The following CALCR variants were observed in gnomAD, a reference collection of about 807,000 sequenced individuals.
CALCR encodes the protein calcitonin receptor.
Under a neutral mutation model 59.5 loss-of-function variants are expected in CALCR, and 47 were observed. That is an observed-to-expected ratio of 0.79 (90% CI 0.63 to 1.01). CALCR has a LOEUF of 1.01. CALCR is among the 50% of genes least tolerant of loss of function. The pLI is 0.00. For synonymous variants in CALCR, 213 were observed against 211.3 expected (o/e 1.01, Z -0.07); for missense variants, 566 against 597.1 (o/e 0.95, Z 0.54).
At chr7:93,555,930 C>A (rs1015348722) in intron 2 of CALCR, among the ~76,000 whole-genome samples, 2 of 152,072 alleles carry the variant, frequency 1.3e-5, no homozygotes, top group Non-Finnish European at 1.5e-5. Flanking sequence ...TCTTTTAGAA[C>A]AATAATGAAA....
intron 2 of CALCR, among the ~76,000 whole-genome samples, chr7:93,552,049 C>G (rs1410374559): frequency 1.3e-5 from 2 of 152,030 alleles, no homozygotes; most frequent in African/African-American, 4.8e-5. Flanking sequence ...CTCGTGGCTA[C>G]AAAGATACAC....
At chr7:93,486,150 G>T (rs749540565) in intron 3 of CALCR, among the ~76,000 whole-genome samples, 1 of 151,446 alleles carries the variant, frequency 6.6e-6, no homozygotes. Context: ...ATTAGCAAAT[G>T]TTACTCTGAT....
At chr7:93,468,877 C>A in intron 6 of CALCR, 71 bp from the exon 7 acceptor site, 1 of 798,326 alleles carries the variant, frequency 1.3e-6, no homozygotes, top group Non-Finnish European at 1.9e-6. Context: ...ATTTCTATTT[C>A]TAAATATATG....
chr7:93,441,489 G>C, intron 9 of CALCR: 1 of 453,420 alleles, frequency 2.2e-6, no homozygotes, highest in South Asian at 1.6e-5. Context: ...TTGTTGAGAG[G>C]GTGTACATAC....
At chr7:93,494,369 AC>A in intron 2 of CALCR, among the ~76,000 whole-genome samples, 2 of 151,316 alleles carry the variant, frequency 1.3e-5, no homozygotes, top group South Asian at 4.2e-4. Flanking sequence ...AGAAAAGGGG[AC>A]CCCCATGGTC....
At chr7:93,497,610 T>A (rs984913876) in intron 2 of CALCR, among the ~76,000 whole-genome samples, 1 of 151,530 alleles carries the variant, frequency 6.6e-6, no homozygotes, top group Non-Finnish European at 1.5e-5. Flanking sequence ...ACCACCAAGC[T>A]ATTTCTGTTT....
chr7:93,458,835 A>G (rs1800261051), intron 8 of CALCR, among the ~76,000 whole-genome samples: 1 of 152,192 alleles, frequency 6.6e-6, no homozygotes, highest in Admixed American at 6.6e-5. Context: ...ATTAGGATAA[A>G]ACATATGGAT....
At chr7:93,452,587 G>A (rs1261402652) in intron 8 of CALCR, among the ~76,000 whole-genome samples, 2 of 151,986 alleles carry the variant, frequency 1.3e-5, no homozygotes, top group Admixed American at 1.3e-4. Context: ...AGTCTGTTAT[G>A]CAATCTTGAG....
chr7:93,565,312 T>C (rs929726053), intron 2 of CALCR, among the ~76,000 whole-genome samples: 6 of 152,234 alleles, frequency 3.9e-5, no homozygotes, highest in Non-Finnish European at 7.3e-5. Context: ...AGAAGATATA[T>C]AGCATTACTT....
At chr7:93,471,030 G>GT (rs935457010) in intron 6 of CALCR, among the ~76,000 whole-genome samples, 1 of 149,942 alleles carries the variant, frequency 6.7e-6, no homozygotes, top group African/African-American at 2.5e-5. Flanking sequence ...GCGGTGTTTG[G>GT]TTTTTTGTTC....
chr7:93,526,135 A>G (rs1273605104), intron 2 of CALCR, among the ~76,000 whole-genome samples: 4 of 152,204 alleles, frequency 2.6e-5, no homozygotes, highest in African/African-American at 9.6e-5. Flanking sequence ...ATTCATGGGC[A>G]GTAAGATATA....
intron 9 of CALCR, among the ~76,000 whole-genome samples, chr7:93,441,297 T>C (rs143627289): frequency 1.2e-4 from 19 of 152,204 alleles, no homozygotes; most frequent in Middle Eastern, 3.4e-3. Context: ...AGGAAATAAA[T>C]CTGGCAGAAA....
intron 2 of CALCR, among the ~76,000 whole-genome samples, chr7:93,537,288 G>GA (rs1467019017): frequency 6.6e-6 from 1 of 151,734 alleles, no homozygotes; most frequent in Admixed American, 6.6e-5. Context: ...CTTCTAATGT[G>GA]AATTTAGTAC....
At position 93,443,775 on chromosome 7, in the gene CALCR, A is replaced by G; in HGVS notation, c.649-18T>C. The G allele has an allele frequency of 6.2e-7, 1 of 1,609,326 alleles. No individual in the cohort carries two copies. Among genetic ancestry groups the G allele is most frequent in the Non-Finnish European group, 8.5e-7 (1 of 1,176,634 alleles). On this transcript the variant is annotated intron_variant, in intron 8 of 13. Coordinates refer to ENST00000426151, the MANE Select transcript of CALCR (RefSeq NM_001742.4). Reference sequence around the variant, plus strand: ...CAGCTCACCTGTCAGAAAGAAAGGAAGATACTCAGAGAAAGACACAGGTAA... The same window carrying G: ...CAGCTCACCTGTCAGAAAGAAAGGAGGATACTCAGAGAAAGACACAGGTAA...
chr7:93,561,900 C>T (rs972352298), intron 2 of CALCR, among the ~76,000 whole-genome samples: 2 of 151,768 alleles, frequency 1.3e-5, no homozygotes, highest in Non-Finnish European at 2.9e-5. Flanking sequence ...TGATTCAGAC[C>T]GTGAGCTCTG....
At chr7:93,530,289 C>A (rs1317792799) in intron 2 of CALCR, among the ~76,000 whole-genome samples, 4 of 152,092 alleles carry the variant, frequency 2.6e-5, no homozygotes, top group African/African-American at 9.7e-5. Flanking sequence ...AATATTCAGA[C>A]TGCCTAGTCC....
chr7:93,497,703 G>A (rs956140076), intron 2 of CALCR, among the ~76,000 whole-genome samples: 2 of 151,534 alleles, frequency 1.3e-5, no homozygotes, highest in African/African-American at 2.4e-5. Flanking sequence ...TATAAATGAG[G>A]AGAAGATCTA....
intron 2 of CALCR, among the ~76,000 whole-genome samples, chr7:93,559,122 AG>A (rs1789681157): frequency 6.6e-6 from 1 of 152,172 alleles, no homozygotes; most frequent in Non-Finnish European, 1.5e-5. Context: ...ATAAAAGGGA[AG>A]TTTGAAAAAT....
intron 2 of CALCR, among the ~76,000 whole-genome samples, chr7:93,494,519 C>T (rs10227180): frequency 0.051 from 7,720 of 151,404 alleles, 694 homozygotes; most frequent in African/African-American, 0.18. Flanking sequence ...TTTGTTTTGC[C>T]TATTAATTGA....
Sources: gnomAD v4.1 joint callset for allele counts (sites outside exome capture counted in the v4.1 genomes callset) on GRCh38, gnomAD v4.1.1 for gene constraint, MANE v1.5 for transcripts, NCBI Gene and HGNC (gene_info 2026-07-23, HGNC 2026-07-21) for gene names.